The following PRKAG2 variants were observed in gnomAD, a reference collection of about 807,000 sequenced individuals.
PRKAG2 encodes 5'-AMP-activated protein kinase subunit gamma-2.
PRKAG2 carries 26 observed loss-of-function variants against 69.6 expected under a neutral mutation model. The observed-to-expected ratio is 0.37, with a 90% CI of 0.27 to 0.52. PRKAG2 has a LOEUF of 0.52. Among genes scored for constraint, PRKAG2 ranks in the 20% least tolerant of loss-of-function variants. The pLI is 0.90. For missense variants in PRKAG2, 557 were observed against 740.0 expected (o/e 0.75, Z 2.87); for synonymous variants, 293 against 285.0 (o/e 1.03, Z -0.28).
At chr7:151,871,482 T>G (rs2080218991) in intron 1 of PRKAG2, among the ~76,000 whole-genome samples, 1 of 151,950 alleles carries the variant, frequency 6.6e-6, no homozygotes, top group South Asian at 2.1e-4. Context: ...ATCCTCCCCC[T>G]CCTCCTCCAA....
At chr7:151,610,567 C>T (rs1818548422) in intron 5 of PRKAG2, among the ~76,000 whole-genome samples, 1 of 151,336 alleles carries the variant, frequency 6.6e-6, no homozygotes, top group Non-Finnish European at 1.5e-5. Flanking sequence ...GTCTCAGCTA[C>T]TCTGGAGGCT....
intron 1 of PRKAG2, among the ~76,000 whole-genome samples, chr7:151,875,780 A>G (rs1209055444): frequency 1.3e-5 from 2 of 152,050 alleles, no homozygotes; most frequent in Non-Finnish European, 2.9e-5. Context: ...CTGGCTGGAC[A>G]AAGTGAAGCC....
rs1247458744 is a variant in PRKAG2 at position 151,635,758 on chromosome 7, C to G, written c.685-3620G>C. ...AGATCCTTGTGGTGACCGAACTGTT[C>G]TACATCTTGACTGTATCAATGTCAA... On this transcript the variant is annotated intron_variant, in intron 4 of 15. Transcript: ENST00000287878. 2.0e-5 allele frequency among the ~76,000 whole-genome samples: 3 copies of G among 152,070 alleles called. No homozygotes were observed. In the East Asian group the frequency reaches 5.8e-4, roughly 29 times the overall value.
chr7:151,584,354 G>A (rs1811152301), intron 6 of PRKAG2, among the ~76,000 whole-genome samples: 1 of 152,104 alleles, frequency 6.6e-6, no homozygotes, highest in African/African-American at 2.4e-5. Flanking sequence ...AACTTGGTAT[G>A]TCCATGCCAA....
intron 3 of PRKAG2, among the ~76,000 whole-genome samples, chr7:151,762,504 G>T (rs2075478983): frequency 6.6e-6 from 1 of 152,162 alleles, no homozygotes; most frequent in Admixed American, 6.5e-5. Context: ...GTTCTGTGAG[G>T]ATGGGGGCTA....
intron 1 of PRKAG2, among the ~76,000 whole-genome samples, chr7:151,815,049 G>C (rs1309514919): frequency 1.3e-5 from 2 of 152,180 alleles, no homozygotes; most frequent in East Asian, 1.9e-4. Flanking sequence ...TCAGGCAAAG[G>C]CTTCAGAAAT....
chr7:151,674,051 C>T (rs1252705283), intron 4 of PRKAG2, among the ~76,000 whole-genome samples: 1 of 152,070 alleles, frequency 6.6e-6, no homozygotes, highest in African/African-American at 2.4e-5. Context: ...CCATGCTGGC[C>T]AGGCTGGTCT....
At chr7:151,848,297 T>C (rs770211050) in intron 1 of PRKAG2, among the ~76,000 whole-genome samples, 4 of 152,120 alleles carry the variant, frequency 2.6e-5, no homozygotes, top group Non-Finnish European at 5.9e-5. Context: ...AAGGAACCAG[T>C]GAGGCCTACT....
chr7:151,709,544 TTGAG>T (rs1233818544), intron 3 of PRKAG2, among the ~76,000 whole-genome samples: 1 of 152,028 alleles, frequency 6.6e-6, no homozygotes, highest in Non-Finnish European at 1.5e-5. Context: ...CATGGTGACA[TTGAG>T]TGACTTTGAT....
chr7:151,793,270 C>T (rs943828799), intron 1 of PRKAG2, among the ~76,000 whole-genome samples: 2 of 152,184 alleles, frequency 1.3e-5, no homozygotes, highest in Non-Finnish European at 2.9e-5. Flanking sequence ...GACGGAGTCT[C>T]GGGGCGTGCA....
rs544890176 is a variant in PRKAG2 at position 151,631,936 on chromosome 7, C to A, written c.754+133G>T. The A allele has an allele frequency of 1.5e-5, 14 of 936,120 alleles. No individual in the cohort carries two copies. In the South Asian group the frequency reaches 1.9e-4, roughly 12 times the overall value. 58.0% of individuals were successfully genotyped at this position (936,120 alleles called of 1,614,324 possible). A position where few individuals can be genotyped will look rare whatever the true frequency, so the allele number is the denominator to read the frequency against. On this transcript the variant is annotated intron_variant, in intron 5 of 15. Coordinates refer to ENST00000287878, the MANE Select transcript of PRKAG2 (RefSeq NM_016203.4). ...ATCCCCGCCCCGGTTCCCGCCCCGGCCCCTGGGCTTCCGCAGGACGCAGCT... is the reference window on the plus strand; with the variant it reads ...ATCCCCGCCCCGGTTCCCGCCCCGGACCCTGGGCTTCCGCAGGACGCAGCT...
At chr7:151,721,411 C>CAGGGCCGGGGCG (rs370869534) in intron 3 of PRKAG2, among the ~76,000 whole-genome samples, 1 of 151,852 alleles carries the variant, frequency 6.6e-6, no homozygotes, top group Non-Finnish European at 1.5e-5. Flanking sequence ...GGGCCGGGGC[C>CAGGGCCGGGGCG]GAGGCCAGCA....
At chr7:151,597,787 G>C (rs1053694357) in intron 5 of PRKAG2, among the ~76,000 whole-genome samples, 2 of 147,444 alleles carry the variant, frequency 1.4e-5, no homozygotes, top group Admixed American at 6.8e-5. Flanking sequence ...CAAAACAAAA[G>C]ATGAGTGTTG....
chr7:151,612,451 G>A (rs1200226038), intron 5 of PRKAG2, among the ~76,000 whole-genome samples: 1 of 152,162 alleles, frequency 6.6e-6, no homozygotes, highest in Non-Finnish European at 1.5e-5. Context: ...ACACAGGTAG[G>A]GGACAGAGTT....
chr7:151,873,683 A>G (rs1012541185), intron 1 of PRKAG2, among the ~76,000 whole-genome samples: 1 of 152,130 alleles, frequency 6.6e-6, no homozygotes, highest in African/African-American at 2.4e-5. Context: ...AAAGCTGCCA[A>G]AGTCACCACT....
chr7:151,782,350 A>G (rs2076739358), intron 2 of PRKAG2, among the ~76,000 whole-genome samples: 1 of 24,828 alleles, frequency 4.0e-5, no homozygotes, highest in Non-Finnish European at 9.6e-5. Flanking sequence ...GGAGGGAGGG[A>G]GGGAGGGAGG....
chr7:151,609,866 G>A (rs1310101669), intron 5 of PRKAG2, among the ~76,000 whole-genome samples: 1 of 152,176 alleles, frequency 6.6e-6, no homozygotes, highest in Non-Finnish European at 1.5e-5. Flanking sequence ...CAGGCTTAGC[G>A]GTTCCGTGCC....
chr7:151,851,350 A>G lies in PRKAG2; in HGVS notation c.114+25157T>C, dbSNP rs539981942. Among the ~76,000 whole-genome samples, 67 of 145,708 alleles carry G rather than the reference A, an allele frequency of 4.6e-4. 1 individual carries two copies. Among genetic ancestry groups the G allele is most frequent in the African/African-American group, 1.8e-3 (66 of 37,470 alleles). ...AGTTTGGGGCCTCTGGCAAAAAAAAAAAAGAAAAAAAAAAATCACTTCTGC... is the reference window on the plus strand; with the variant it reads ...AGTTTGGGGCCTCTGGCAAAAAAAAGAAAGAAAAAAAAAAATCACTTCTGC... On this transcript the variant is annotated intron_variant, in intron 1 of 15. Transcript: ENST00000287878.
At chr7:151,576,517 T>C in intron 6 of PRKAG2, 65 bp from the exon 7 acceptor site, 1 of 1,391,204 alleles carries the variant, frequency 7.2e-7, no homozygotes, top group Non-Finnish European at 1.0e-6. Context: ...CCTTTTTTTT[T>C]TGAGACAAGG....
Sources: gnomAD v4.1 joint callset for allele counts (sites outside exome capture counted in the v4.1 genomes callset) on GRCh38, gnomAD v4.1.1 for gene constraint, MANE v1.5 for transcripts, NCBI Gene and HGNC (gene_info 2026-07-23, HGNC 2026-07-21) for gene names.